Variants in CHN2 observed in about 807,000 individuals in gnomAD.
CHN2 encodes the protein chimerin 2.
A neutral mutation model predicts 56.3 loss-of-function variants in CHN2; 35 were observed. The ratio of observed to expected loss-of-function variants is 0.62; its 90% confidence interval spans 0.47 to 0.82. The LOEUF (loss-of-function observed/expected upper bound fraction) is 0.82, where lower values mean the gene tolerates loss of function less well. CHN2 is among the 40% of genes least tolerant of loss of function. CHN2 has a pLI of 0.00. For synonymous variants in CHN2, 210 were observed against 212.8 expected, an observed-to-expected ratio of 0.99 and a Z score of 0.12; for missense variants, 491 against 580.5, an observed-to-expected ratio of 0.85 and a Z score of 1.58.
intron 2 of CHN2, among the ~76,000 whole-genome samples, chr7:29,155,669 A>G (rs899792855): frequency 6.6e-6 from 1 of 152,120 alleles, no homozygotes; most frequent in Non-Finnish European, 1.5e-5. Context: ...GATTCTTCCA[A>G]TCATCGTCCT....
chr7:29,499,774 G>T, intron 8 of CHN2, 93 bp from the exon 9 acceptor site: 1 of 1,184,538 alleles, frequency 8.4e-7, no homozygotes, highest in Non-Finnish European at 1.2e-6. Flanking sequence ...TCAAACCCTT[G>T]GGTGGTGATA....
At chr7:29,371,635 G>C (rs574021864) in intron 3 of CHN2, among the ~76,000 whole-genome samples, 4 of 151,996 alleles carry the variant, frequency 2.6e-5, no homozygotes, top group African/African-American at 7.3e-5. Flanking sequence ...ACCTCTACCC[G>C]GGGCTCCAGA....
At chr7:29,435,662 G>A (rs79231939) in intron 6 of CHN2, among the ~76,000 whole-genome samples, 10,641 of 152,102 alleles carry the variant, frequency 0.07, 630 homozygotes, top group African/African-American at 0.17. Flanking sequence ...GGACCACCAT[G>A]GTATATGTGG....
chr7:29,432,802 G>A (rs1481327855), intron 6 of CHN2, among the ~76,000 whole-genome samples: 4 of 152,130 alleles, frequency 2.6e-5, no homozygotes, highest in Non-Finnish European at 5.9e-5. Context: ...CATCGTTAGG[G>A]TATTTTCAGC....
chr7:29,335,301 G>A (rs1334132223), intron 1 of CHN2, among the ~76,000 whole-genome samples: 1 of 152,196 alleles, frequency 6.6e-6, no homozygotes, highest in Non-Finnish European at 1.5e-5. Context: ...GGTTGCATAT[G>A]AAAACCTAAA....
At chr7:29,401,659 C>G (rs149935269) in intron 6 of CHN2, among the ~76,000 whole-genome samples, 1 of 152,328 alleles carries the variant, frequency 6.6e-6, no homozygotes, top group East Asian at 1.9e-4. Flanking sequence ...GTGGCTATCT[C>G]TGGGAAGTAG....
chr7:29,487,347 T>C (rs1788135458), intron 7 of CHN2, among the ~76,000 whole-genome samples: 2 of 152,116 alleles, frequency 1.3e-5, no homozygotes, highest in Admixed American at 1.3e-4. Context: ...GGACTCAAAG[T>C]GAGACTGGAA....
intron 2 of CHN2, among the ~76,000 whole-genome samples, chr7:29,364,582 G>A (rs1405202229): frequency 1.3e-5 from 2 of 152,180 alleles, no homozygotes; most frequent in Non-Finnish European, 2.9e-5. Flanking sequence ...AGTTTTGGGG[G>A]TGATTCCAGA....
chr7:29,484,910 G>T (rs1585569922), intron 7 of CHN2, among the ~76,000 whole-genome samples: 1 of 152,170 alleles, frequency 6.6e-6, no homozygotes, highest in East Asian at 1.9e-4. Flanking sequence ...GCTCCTAAGT[G>T]TCAACCCCTT....
At chr7:29,493,055 G>T (rs1487179887) in intron 7 of CHN2, among the ~76,000 whole-genome samples, 1 of 152,036 alleles carries the variant, frequency 6.6e-6, no homozygotes, top group African/African-American at 2.4e-5. Flanking sequence ...CATATATCAT[G>T]GTGAACCCAT....
At position 29,499,931 on chromosome 7, in the gene CHN2, C is replaced by G. The variant is rs1789760460; in HGVS notation, c.804C>G (p.Leu268=). The G allele has an allele frequency of 1.2e-6, 2 of 1,612,842 alleles. No homozygotes were observed. The highest frequency in any genetic ancestry group is 1.7e-6 in the Non-Finnish European group (2 of 1,179,610). Residue 268 remains leucine (L), a synonymous_variant, in exon 9 of 13, where the codon CTC becomes CTG. Transcript: ENST00000222792. ...TTCCCAATGACTGCCAACCTGATCT[C>G]AAGAGGATCAAGAAAGTGTACTGTT... ...KHVPNDCQPD[L]KRIKKVYCCD... is the part of the protein sequence containing the mutation.
intron 1 of CHN2, chr7:29,199,946 C>T (rs2128767391): frequency 6.6e-6 from 1 of 152,398 alleles, no homozygotes; most frequent in Non-Finnish European, 1.5e-5. Flanking sequence ...GTTCTGAGAG[C>T]TGCCACCTGG....
intron 3 of CHN2, among the ~76,000 whole-genome samples, chr7:29,392,059 G>A (rs1295511426): frequency 2.0e-5 from 3 of 152,122 alleles, no homozygotes; most frequent in South Asian, 4.1e-4. Flanking sequence ...CTTGTGCTAC[G>A]GTTCAGCCAA....
chr7:29,360,156 G>T (rs753418705), intron 2 of CHN2, among the ~76,000 whole-genome samples: 14 of 152,202 alleles, frequency 9.2e-5, no homozygotes, highest in Non-Finnish European at 1.5e-4. Context: ...CCCTCAGTGT[G>T]TGGGCAACTG....
intron 1 of CHN2, among the ~76,000 whole-genome samples, chr7:29,295,314 A>AACACGCACACAC (rs1554394544): frequency 6.9e-6 from 1 of 144,962 alleles, no homozygotes; most frequent in Non-Finnish European, 1.5e-5. Flanking sequence ...TTTAGCTGTG[A>AACACGCACACAC]ACACACACAC....
chr7:29,336,759 CAAAAAAAAAAAAAA>C (rs5883205), intron 1 of CHN2, among the ~76,000 whole-genome samples: 9 of 68,576 alleles, frequency 1.3e-4, no homozygotes, highest in African/African-American at 4.5e-4. Flanking sequence ...GATTCTGTCT[CAAAAAAAAAAAAAA>C]AAAAAAAAAA....
chr7:29,455,162 C>T lies in CHN2; in HGVS notation c.577-25117C>T, dbSNP rs554960341. 2.6e-5 allele frequency among the ~76,000 whole-genome samples: 4 copies of T among 152,238 alleles called. No individual in the cohort carries two copies. The East Asian group carries it at 5.8e-4, about 22-fold the overall frequency. ...TGAGTTAGCTGAGAAGAAATGCACA[C>T]ATTTTGAGCCAATTCCAGCACACCA... is the stretch of plus-strand genomic sequence containing the variant. On this transcript the variant is annotated intron_variant, in intron 6 of 12. Coordinates refer to ENST00000222792, the MANE Select transcript of CHN2 (RefSeq NM_004067.4).
At position 29,319,323 on chromosome 7, in the gene CHN2, C is replaced by T. The variant is rs1795175278; in HGVS notation, c.50-35302C>T. Among the ~76,000 whole-genome samples the T allele has an allele frequency of 2.0e-5, 3 of 152,142 alleles. No individual in the cohort carries two copies. In the South Asian group the frequency reaches 6.2e-4, roughly 31 times the overall value. Reference sequence around the variant, plus strand: ...CACAGATCGCTTTAAGTACTAGGCTCCAAGCGAGTTGAGGTTGAGTGATTT... The same window carrying T: ...CACAGATCGCTTTAAGTACTAGGCTTCAAGCGAGTTGAGGTTGAGTGATTT... On this transcript the variant is annotated intron_variant, in intron 1 of 12. Transcript: ENST00000222792.
intron 3 of CHN2, among the ~76,000 whole-genome samples, chr7:29,387,559 C>T (rs1456090645): frequency 6.6e-6 from 1 of 152,204 alleles, no homozygotes; most frequent in East Asian, 1.9e-4. Flanking sequence ...ATCTATGAAT[C>T]CCCTTAGAAT....
Sources: gnomAD v4.1 joint callset for allele counts (sites outside exome capture counted in the v4.1 genomes callset) on GRCh38, gnomAD v4.1.1 for gene constraint, MANE v1.5 for transcripts, NCBI Gene and HGNC (gene_info 2026-07-23, HGNC 2026-07-21) for gene names.